Variants in ANKFN1 observed in about 807,000 individuals in gnomAD.
ANKFN1 encodes ankyrin repeat and fibronectin type-III domain-containing protein 1.
Under a neutral mutation model 108.7 loss-of-function variants are expected in ANKFN1, and 74 were observed. The observed-to-expected ratio is 0.68, with a 90% CI of 0.56 to 0.83. The LOEUF (loss-of-function observed/expected upper bound fraction) is 0.83. Among genes scored for constraint, ANKFN1 ranks in the 40% least tolerant of loss-of-function variants. The pLI is 0.00. For synonymous variants in ANKFN1, 547 were observed against 516.2 expected, an observed-to-expected ratio of 1.06 and a Z score of -0.81; for missense variants, 1,505 against 1,382.3, an observed-to-expected ratio of 1.09 and a Z score of -1.41.
At chr17:56,252,697 T>G (rs2043263253) in intron 3 of ANKFN1, among the ~76,000 whole-genome samples, 1 of 147,754 alleles carries the variant, frequency 6.8e-6, no homozygotes, top group Non-Finnish European at 1.5e-5. Context: ...GGGATTGCAG[T>G]ATAATAAGAT....
intron 18 of ANKFN1, among the ~76,000 whole-genome samples, chr17:56,490,880 T>C (rs2062782468): frequency 6.6e-6 from 1 of 151,842 alleles, no homozygotes; most frequent in Admixed American, 6.6e-5. Context: ...TCTACTTCCA[T>C]GGAAGGAAAG....
Position 56,477,476 on chromosome 17 carries a change from T to A in ANKFN1, c.1774-12T>A. The A allele has an allele frequency of 6.7e-7, 1 of 1,487,776 alleles. No individual in the cohort carries two copies. The highest frequency in any genetic ancestry group is 2.4e-5 in the East Asian group (1 of 40,916). The allele number at this position is 1,487,776 out of a possible 1,614,324, so 92.2% of individuals were successfully genotyped here. A position where few individuals can be genotyped will look rare whatever the true frequency, so the allele number is the denominator to read the frequency against. ...TCTTGTTTTCTTTTTTTTTTTTTTTTTAACCCTACAGGATATTCTATCCTA... is the reference window on the plus strand; with the variant it reads ...TCTTGTTTTCTTTTTTTTTTTTTTTATAACCCTACAGGATATTCTATCCTA... On this transcript the variant is annotated splice_polypyrimidine_tract_variant and intron_variant, in intron 15 of 20. Transcript: ENST00000682825.
rs374901822 is a variant in ANKFN1, at chr17:56,503,273, CA to C, written c.2644+4176del. ...AATGTAAATCTTGGTAACCTTTTTC[CA>C]GATGATGTTAAGAGTACTATGGCAT... is the stretch of plus-strand genomic sequence containing the variant. On this transcript the variant is annotated intron_variant, in intron 20 of 20. Coordinates refer to ENST00000682825, the MANE Select transcript of ANKFN1 (RefSeq NM_001370326.1). Among the ~76,000 whole-genome samples the C allele has an allele frequency of 1.6e-3, 245 of 151,562 alleles. 1 individual carries two copies. The highest frequency in any genetic ancestry group is 5.7e-3 in the African/African-American group (235 of 41,246).
intron 4 of ANKFN1, among the ~76,000 whole-genome samples, chr17:56,337,367 G>A (rs1567924403): frequency 1.3e-5 from 2 of 152,004 alleles, no homozygotes; most frequent in Admixed American, 6.6e-5. Context: ...TCTCTTTGTA[G>A]GTCTCTAAGG....
intron 4 of ANKFN1, among the ~76,000 whole-genome samples, chr17:56,102,256 A>G (rs374315499): frequency 6.6e-6 from 1 of 152,186 alleles, no homozygotes; most frequent in Non-Finnish European, 1.5e-5. Flanking sequence ...ATCTGGAGCC[A>G]TTCAGTGAAG....
rs145545109 is a variant in ANKFN1, at chr17:56,175,858, C to T, written c.-71+22328C>T. On this transcript the variant is annotated intron_variant, in intron 1 of 20. Transcript: ENST00000682825. ...GACACACAACTCTGATTGATGCAGC[C>T]ACAGTTTACACTCCACACTTCAGAC... Among the ~76,000 whole-genome samples, 746 of 143,912 alleles carry T rather than the reference C, an allele frequency of 5.2e-3. 6 individuals are homozygous for T. Among genetic ancestry groups the T allele is most frequent in the African/African-American group, 0.018 (718 of 38,848 alleles). 94.4% of individuals were successfully genotyped at this position (143,912 alleles called of 152,430 possible).
intron 3 of ANKFN1, among the ~76,000 whole-genome samples, chr17:56,271,980 G>C (rs1406253601): frequency 6.6e-6 from 1 of 152,110 alleles, no homozygotes; most frequent in African/African-American, 2.4e-5. Flanking sequence ...ATAAATAGTA[G>C]CTGTTGTTAC....
intron 4 of ANKFN1, among the ~76,000 whole-genome samples, chr17:56,106,721 A>G (rs542880471): frequency 6.6e-6 from 1 of 152,284 alleles, no homozygotes; most frequent in African/African-American, 2.4e-5. Flanking sequence ...TTTTCCTCAA[A>G]AATCTCATCT....
chr17:56,478,883 C>A (rs1386709179), intron 16 of ANKFN1, among the ~76,000 whole-genome samples: 1 of 152,114 alleles, frequency 6.6e-6, no homozygotes, highest in African/African-American at 2.4e-5. Context: ...CCTAAAGTGG[C>A]AAGACTTTAT....
At chr17:56,497,293 C>G (rs2051229403) in intron 19 of ANKFN1, among the ~76,000 whole-genome samples, 1 of 152,150 alleles carries the variant, frequency 6.6e-6, no homozygotes, top group Non-Finnish European at 1.5e-5. Flanking sequence ...CTGCCTACTG[C>G]TGAACTTCCT....
intron 4 of ANKFN1, among the ~76,000 whole-genome samples, chr17:56,126,748 C>G (rs940878308): frequency 6.6e-6 from 1 of 152,198 alleles, no homozygotes; most frequent in Non-Finnish European, 1.5e-5. Flanking sequence ...CAAGCCCAAT[C>G]AATAATACCA....
chr17:56,084,604 C>T (rs1047446361), intron 4 of ANKFN1, among the ~76,000 whole-genome samples: 3 of 151,270 alleles, frequency 2.0e-5, no homozygotes, highest in Non-Finnish European at 4.4e-5. Context: ...GTCCTTCCTG[C>T]GTGTTGACAG....
At chr17:56,350,138 C>T (rs2046207709) in intron 4 of ANKFN1, among the ~76,000 whole-genome samples, 1 of 152,040 alleles carries the variant, frequency 6.6e-6, no homozygotes, top group African/African-American at 2.4e-5. Flanking sequence ...CTTGGTGGGC[C>T]CCAGCCAGGG....
chr17:56,434,038 C>CA (rs973075633), intron 8 of ANKFN1, among the ~76,000 whole-genome samples: 3 of 150,384 alleles, frequency 2.0e-5, no homozygotes, highest in African/African-American at 2.4e-5. Flanking sequence ...TCCATCTAAA[C>CA]AAAAAAAAAT....
intron 1 of ANKFN1, among the ~76,000 whole-genome samples, chr17:56,155,933 G>T (rs565918689): frequency 1.2e-4 from 19 of 152,324 alleles, no homozygotes; most frequent in Middle Eastern, 3.4e-3. Flanking sequence ...AGCAGCCTAC[G>T]TGGGAAGTCA....
intron 6 of ANKFN1, among the ~76,000 whole-genome samples, chr17:56,369,234 G>A (rs1229485848): frequency 2.0e-5 from 3 of 152,072 alleles, no homozygotes; most frequent in African/African-American, 4.8e-5. Flanking sequence ...AAGTGAATCT[G>A]TATTGGGGTA....
intron 3 of ANKFN1, among the ~76,000 whole-genome samples, chr17:56,256,658 A>C (rs993510260): frequency 6.6e-6 from 1 of 152,208 alleles, no homozygotes; most frequent in Non-Finnish European, 1.5e-5. Flanking sequence ...CCCCATATTA[A>C]GGACCAATTA....
At chr17:56,230,957 A>G (rs1916691706) in intron 3 of ANKFN1, among the ~76,000 whole-genome samples, 1 of 152,130 alleles carries the variant, frequency 6.6e-6, no homozygotes, top group Admixed American at 6.6e-5. Flanking sequence ...GGAAATGTTA[A>G]TGAAATAAGT....
At chr17:56,094,625 T>TCC (rs1837228229) in intron 4 of ANKFN1, among the ~76,000 whole-genome samples, 1 of 148,688 alleles carries the variant, frequency 6.7e-6, no homozygotes, top group African/African-American at 2.5e-5. Context: ...TGCCTCAGCC[T>TCC]CCCGTGTAGC....
Sources: gnomAD v4.1 joint callset for allele counts (sites outside exome capture counted in the v4.1 genomes callset) on GRCh38, gnomAD v4.1.1 for gene constraint, MANE v1.5 for transcripts, NCBI Gene and HGNC (gene_info 2026-07-23, HGNC 2026-07-21) for gene names.